SHPRH: variants seen among roughly 807,000 people sequenced by gnomAD.
SHPRH encodes E3 ubiquitin-protein ligase SHPRH.
Under a neutral mutation model 202.5 loss-of-function variants are expected in SHPRH, and 106 were observed. The observed-to-expected ratio is 0.52, with a 90% CI of 0.45 to 0.62. The LOEUF (loss-of-function observed/expected upper bound fraction) is 0.62, where lower values mean the gene tolerates loss of function less well. Ranked by LOEUF, SHPRH falls within the 20% of genes least tolerant of loss-of-function variation. The pLI is 0.00. For synonymous variants in SHPRH, 729 were observed against 686.0 expected (o/e 1.06, Z -0.98); for missense variants, 1,710 against 2,020.0 (o/e 0.85, Z 2.94).
Position 145,943,186 on chromosome 6 carries a change from T to A in SHPRH, c.2195A>T (p.Asp732Val). 1 of 1,612,468 alleles carries A rather than the reference T, an allele frequency of 6.2e-7. No homozygotes were observed. The highest frequency in any genetic ancestry group is 2.2e-5 in the East Asian group (1 of 44,856). The stretch of plus-strand genomic sequence containing the variant: ...CGACCTCACATGCCTGTTGATCTCA[T>A]CCACCCACTGGTGACAGATGGAACT... ...SPSSICHQWV[D>V]EINRHVRSSS... Residue 732 changes from aspartate to valine, a missense_variant, in exon 9 of 30, where the codon GAT (aspartate) becomes GTT (valine). By Grantham distance (152) the Asp-to-Val change is radical. Transcript: ENST00000275233.
Position 145,955,317 on chromosome 6 carries a change from G to T in SHPRH, c.6C>A (p.Ser2Arg). MSSRRKRAPPVR... is the reference protein window; with the variant it reads MRSRRKRAPPVR... ...CTGGAGGAGCACGTTTCCGTCGGCT[G>T]CTCATTTTCAAGTTTTCTTGGCTGG... The change falls in exon 2 of 30, where the codon AGC becomes AGA. Residue 2 changes from serine to arginine, a missense_variant. Transcript: ENST00000275233. 6.3e-7 allele frequency: 1 copy of T among 1,591,272 alleles called. No homozygotes were observed.
intron 11 of SHPRH, among the ~76,000 whole-genome samples, chr6:145,938,777 C>G (rs1167304397): frequency 6.6e-6 from 1 of 152,010 alleles, no homozygotes; most frequent in Non-Finnish European, 1.5e-5. Flanking sequence ...GATGTAAACC[C>G]CAGTTTTTAT....
chr6:145,928,450 C>T lies in SHPRH; in HGVS notation c.3113-1173G>A, dbSNP rs188857864. On this transcript the variant is annotated intron_variant, in intron 14 of 29. Coordinates refer to ENST00000275233, the MANE Select transcript of SHPRH (RefSeq NM_001042683.3). ...CTGAGAAAGTTTTTTTCCTAAGTAT[C>T]ACACATACTTTCTTTTAAAAAAAAA... 2.0e-5 allele frequency among the ~76,000 whole-genome samples: 3 copies of T among 151,800 alleles called. No individual in the cohort carries two copies. The East Asian group carries it at 5.8e-4, about 29-fold the overall frequency.
chr6:145,869,442 T>C (rs531440564), intron 2 of SHPRH, among the ~76,000 whole-genome samples: 1 of 152,328 alleles, frequency 6.6e-6, no homozygotes, highest in East Asian at 1.9e-4. Flanking sequence ...TTTTCTTCTA[T>C]GTTATTTTCA....
chr6:145,922,943 C>CTT, intron 18 of SHPRH, 107 bp from the exon 19 acceptor site: 14 of 1,137,080 alleles, frequency 1.2e-5, no homozygotes, highest in African/African-American at 2.3e-5. Flanking sequence ...AAACTGTTTG[C>CTT]TGTTTTTTTT....
In SHPRH at chr6:145,952,350, T is replaced by G. The variant is rs1356537522; in HGVS notation, c.762A>C (p.Pro254=). The change falls in exon 3 of 30, where the codon CCA becomes CCC. Residue 254 remains proline (P), a splice_region_variant and synonymous_variant. Coordinates refer to ENST00000275233, the MANE Select transcript of SHPRH (RefSeq NM_001042683.3). ...TTTTAAGTTTACTGTAAATATTACCTGGAATAATAGAATTGTGTAACTTTT... is the reference window on the plus strand; with the variant it reads ...TTTTAAGTTTACTGTAAATATTACCGGGAATAATAGAATTGTGTAACTTTT... ...VMEKLHNSII[P]DVLEEDEDDP... The G allele has an allele frequency of 8.8e-6, 14 of 1,593,188 alleles. No homozygotes were observed. Among genetic ancestry groups the G allele is most frequent in the Non-Finnish European group, 1.2e-5 (14 of 1,170,478 alleles).
At chr6:145,898,460 A>G (rs796998904) in intron 25 of SHPRH, among the ~76,000 whole-genome samples, 10 of 152,270 alleles carry the variant, frequency 6.6e-5, no homozygotes, top group African/African-American at 2.4e-4. Flanking sequence ...TTTCACAGAA[A>G]TAGTGCTATG....
At chr6:145,928,340 A>T (rs970522884) in intron 14 of SHPRH, among the ~76,000 whole-genome samples, 2 of 151,978 alleles carry the variant, frequency 1.3e-5, no homozygotes, top group Admixed American at 1.3e-4. Flanking sequence ...GTAAATTATA[A>T]ATACTATTAA....
At chr6:145,937,620 A>G (rs894106735) in intron 11 of SHPRH, among the ~76,000 whole-genome samples, 2 of 151,962 alleles carry the variant, frequency 1.3e-5, no homozygotes, top group Non-Finnish European at 2.9e-5. Context: ...AGCTCCTACT[A>G]CTCTTAAGAA....
At chr6:145,893,547 T>G (rs574666459) in intron 27 of SHPRH, among the ~76,000 whole-genome samples, 154 bp from the exon 28 acceptor site, 1 of 152,262 alleles carries the variant, frequency 6.6e-6, no homozygotes, top group African/African-American at 2.4e-5. Flanking sequence ...CTTTAGAAAA[T>G]GTAAACTTGT....
intron 14 of SHPRH, among the ~76,000 whole-genome samples, chr6:145,931,441 C>T (rs1183558755): frequency 6.6e-6 from 1 of 152,148 alleles, no homozygotes; most frequent in Non-Finnish European, 1.5e-5. Flanking sequence ...CAACCTCCGC[C>T]TCCGGGGTTC....
In SHPRH at chr6:145,935,064, C is replaced by A. The variant is rs1324782589; in HGVS notation, c.2833G>T (p.Val945Leu). ...GAAATCTTCCTGAGTTTTACCACCA[C>A]ATCCTGGCAGCACACCTCATGCTGA... ...HRQHEVCCQDVVVKLRKISDW... is the reference protein window; with the variant it reads ...HRQHEVCCQDLVVKLRKISDW... The change falls in exon 13 of 30, where the codon GTG becomes TTG. Residue 945 changes from valine to leucine, a missense_variant. Physicochemically the swap from Val to Leu is conservative, Grantham distance 32 (BLOSUM62 1). Coordinates refer to ENST00000275233, the MANE Select transcript of SHPRH (RefSeq NM_001042683.3). 3 of 1,613,954 alleles carry A rather than the reference C, an allele frequency of 1.9e-6. No individual in the cohort carries two copies. In the South Asian group the frequency reaches 3.3e-5, roughly 18 times the overall value.
chr6:145,952,150 T>C (rs1400054356), intron 3 of SHPRH, among the ~76,000 whole-genome samples, 199 bp downstream of exon 3: 1 of 152,108 alleles, frequency 6.6e-6, no homozygotes, highest in East Asian at 1.9e-4. Context: ...TAATATTTAA[T>C]ATAAGGTAAG....
intron 25 of SHPRH, chr6:145,906,456 T>C (rs1158790653): frequency 2.0e-5 from 3 of 152,124 alleles, no homozygotes; most frequent in African/African-American, 7.2e-5. Flanking sequence ...TTATATCTTT[T>C]GTGCTCAATA....
At chr6:145,903,018 T>C (rs1782635060) in intron 25 of SHPRH, among the ~76,000 whole-genome samples, 1 of 152,088 alleles carries the variant, frequency 6.6e-6, no homozygotes, top group Non-Finnish European at 1.5e-5. Context: ...TTACAAGTAT[T>C]AACTTGGCCG....
At chr6:145,906,688 T>C (rs1177613593) in intron 25 of SHPRH, 6 of 152,096 alleles carry the variant, frequency 3.9e-5, no homozygotes, top group Admixed American at 6.6e-5. Context: ...CTGGTTACAA[T>C]TCTGATTCTA....
At chr6:145,878,348 T>G (rs528734661) in intron 2 of SHPRH, among the ~76,000 whole-genome samples, 2 of 152,312 alleles carry the variant, frequency 1.3e-5, no homozygotes, top group African/African-American at 4.8e-5. Context: ...ATTTTTGGTG[T>G]TGTACATTCT....
rs1481588811 is a variant in SHPRH at position 145,894,689 on chromosome 6, AG to A, written c.4608+195del. Among the ~76,000 whole-genome samples, 7 of 152,210 alleles carry A rather than the reference AG, an allele frequency of 4.6e-5. No homozygotes were observed. In the East Asian group the frequency reaches 7.7e-4, roughly 17 times the overall value. On this transcript the variant is annotated intron_variant, in intron 26 of 29. Transcript: ENST00000275233. The stretch of plus-strand genomic sequence containing the variant: ...AAACTAATAAAAAGTCATGAAATAT[AG>A]CTATACAAATTGCCTTGTGAAACAT...
At chr6:145,947,353 G>A in intron 6 of SHPRH, 140 bp downstream of exon 6, 1 of 963,050 alleles carries the variant, frequency 1.0e-6, no homozygotes. Context: ...CCCACTTGAA[G>A]TTAACTAACC....
Sources: gnomAD v4.1 joint callset for allele counts (sites outside exome capture counted in the v4.1 genomes callset) on GRCh38, gnomAD v4.1.1 for gene constraint, MANE v1.5 for transcripts, NCBI Gene and HGNC (gene_info 2026-07-23, HGNC 2026-07-21) for gene names.